The following SERPIND1 variants were observed in gnomAD, a reference collection of about 807,000 sequenced individuals.
The protein encoded by SERPIND1 is heparin cofactor 2.
Under a neutral mutation model 35.0 loss-of-function variants are expected in SERPIND1, and 34 were observed. The observed-to-expected ratio is 0.97, with a 90% CI of 0.74 to 1.29. The LOEUF is 1.29. Among genes scored for constraint, SERPIND1 ranks in the 50% most tolerant of loss-of-function variants. The probability of loss-of-function intolerance (pLI) is 0.00; values close to 1 mark genes in which losing one functional copy is unlikely to be tolerated. For missense variants in SERPIND1, 633 were observed against 637.7 expected, an observed-to-expected ratio of 0.99 and a Z score of 0.08; for synonymous variants, 236 against 241.1, an observed-to-expected ratio of 0.98 and a Z score of 0.19.
At chr22:20,776,387 A>C (rs991697641) in intron 1 of SERPIND1, among the ~76,000 whole-genome samples, 1 of 152,194 alleles carries the variant, frequency 6.6e-6, no homozygotes, top group Non-Finnish European at 1.5e-5. Context: ...AACTAGTGGC[A>C]CTGCAGCCTG....
chr22:20,774,546 A>ACGT (rs902789568), intron 1 of SERPIND1, among the ~76,000 whole-genome samples: 4 of 152,186 alleles, frequency 2.6e-5, no homozygotes, highest in Admixed American at 2.0e-4. Flanking sequence ...GTGGATCACG[A>ACGT]GGTCAGGAGT....
At position 20,787,202 on chromosome 22, in the gene SERPIND1, G is replaced by A. The variant is rs1406172974; in HGVS notation, c.*136G>A. On this transcript the variant is annotated 3_prime_UTR_variant, in exon 5 of 5. Coordinates refer to ENST00000215727, the MANE Select transcript of SERPIND1 (RefSeq NM_000185.4). Reference sequence around the variant, plus strand: ...TCTGAATTCGAGGCCCATATGAGAGGAGCTTAGAAACGACCAAGAAGAGAG... The same window carrying A: ...TCTGAATTCGAGGCCCATATGAGAGAAGCTTAGAAACGACCAAGAAGAGAG... The A allele has an allele frequency of 9.9e-6, 8 of 807,476 alleles. No individual in the cohort carries two copies. Among genetic ancestry groups the A allele is most frequent in the Non-Finnish European group, 1.7e-5 (8 of 482,582 alleles). The allele number at this position is 807,476 out of a possible 1,614,324, so 50.0% of individuals were successfully genotyped here. A position where few individuals can be genotyped will look rare whatever the true frequency, so the allele number is the denominator to read the frequency against.
chr22:20,775,288 G>C (rs1421302109), intron 1 of SERPIND1, among the ~76,000 whole-genome samples: 2 of 152,108 alleles, frequency 1.3e-5, no homozygotes, highest in African/African-American at 2.4e-5. Flanking sequence ...ACAACCTAGT[G>C]ATAGTTTTTA....
intron 1 of SERPIND1, among the ~76,000 whole-genome samples, chr22:20,778,780 G>T (rs1933509231): frequency 6.6e-6 from 1 of 152,114 alleles, no homozygotes; most frequent in South Asian, 2.1e-4. Flanking sequence ...AGGTTTCCCT[G>T]ACTCTCTGGG....
At chr22:20,775,821 G>A (rs183731569) in intron 1 of SERPIND1, among the ~76,000 whole-genome samples, 2 of 152,268 alleles carry the variant, frequency 1.3e-5, no homozygotes, top group East Asian at 3.9e-4. Flanking sequence ...AAAAGGCCAA[G>A]AAGTGATAAG....
At chr22:20,786,560 G>A (rs1934246493) in intron 4 of SERPIND1, among the ~76,000 whole-genome samples, 1 of 152,200 alleles carries the variant, frequency 6.6e-6, no homozygotes, top group South Asian at 2.1e-4. Context: ...CAGTGCAGCA[G>A]ACCCAGTTCC....
chr22:20,780,791 A>AC (rs361972), intron 2 of SERPIND1, among the ~76,000 whole-genome samples: 3 of 151,120 alleles, frequency 2.0e-5, no homozygotes, highest in Non-Finnish European at 4.4e-5. Context: ...AAAAAAAAAA[A>AC]GAAGTAAAAC....
At chr22:20,784,380 T>C (rs1934042562) in intron 3 of SERPIND1, 135 bp downstream of exon 3, 2 of 1,202,388 alleles carry the variant, frequency 1.7e-6, no homozygotes, top group Non-Finnish European at 2.4e-6. Context: ...AGGGCCACTC[T>C]GTTAATTCAG....
chr22:20,784,132 G>T lies in SERPIND1; in HGVS notation c.1050G>T (p.Val350=), dbSNP rs766864591. The change falls in exon 3 of 5, where the codon GTG becomes GTT. Residue 350 remains valine, a synonymous_variant. Transcript: ENST00000215727. The part of the protein sequence containing the change: ...LDCDILQLEY[V]GGISMLIVVP... ...GCGACATCCTCCAGCTGGAATACGT[G>T]GGGGGCATCAGCATGCTAATTGTGG... is the stretch of plus-strand genomic sequence containing the variant. The T allele has an allele frequency of 6.2e-7, 1 of 1,614,172 alleles. No homozygotes were observed. The highest frequency in any genetic ancestry group is 8.5e-7 in the Non-Finnish European group (1 of 1,180,030).
At chr22:20,775,301 C>T (rs1476141308) in intron 1 of SERPIND1, among the ~76,000 whole-genome samples, 3 of 152,062 alleles carry the variant, frequency 2.0e-5, no homozygotes, top group Non-Finnish European at 4.4e-5. Context: ...AGTTTTTAAA[C>T]GTCTTCTACA....
chr22:20,780,533 C>T (rs1190763547), intron 2 of SERPIND1, among the ~76,000 whole-genome samples: 2 of 152,002 alleles, frequency 1.3e-5, no homozygotes, highest in Non-Finnish European at 2.9e-5. Context: ...TTTGGGAGGC[C>T]GAGGCAGGCA....
chr22:20,779,855 G>A lies in SERPIND1; in HGVS notation c.543G>A (p.Leu181=). 6.2e-7 allele frequency: 1 copy of A among 1,614,194 alleles called. No homozygotes were observed. The highest frequency in any genetic ancestry group is 8.5e-7 in the Non-Finnish European group (1 of 1,180,024). The part of the protein sequence containing the change: ...GETHEQVHSI[L]HFKDFVNASS... ...CCCATGAACAAGTGCACTCGATTTT[G>A]CATTTTAAAGACTTTGTTAATGCCA... Residue 181 remains leucine, a synonymous_variant, in exon 2 of 5, where the codon TTG becomes TTA. Coordinates refer to ENST00000215727, the MANE Select transcript of SERPIND1 (RefSeq NM_000185.4).
Position 20,784,206 on chromosome 22 carries a change from C to G in SERPIND1, c.1124C>G (p.Pro375Arg), listed in dbSNP as rs778720255. The G allele has an allele frequency of 6.2e-7, 1 of 1,614,096 alleles. No individual in the cohort carries two copies. Among genetic ancestry groups the G allele is most frequent in the Non-Finnish European group, 8.5e-7 (1 of 1,180,022 alleles). Residue 375 changes from proline to arginine, a missense_variant, in exon 3 of 5, where the codon CCC becomes CGC. Pro to Arg is a moderately radical substitution (Grantham distance 103). Transcript: ENST00000215727. The part of the protein sequence containing the change: ...GMKTLEAQLT[P>R]RVVERWQKSM... ...AAGACCCTCGAAGCGCAACTGACAC[C>G]CCGGGTGGTGGAGAGATGGCAAAAA...
chr22:20,781,058 T>G (rs165862), intron 2 of SERPIND1, among the ~76,000 whole-genome samples: 78,775 of 151,868 alleles, frequency 0.52, 20,681 homozygotes, highest in African/African-American at 0.58. Flanking sequence ...TTCAGGATAC[T>G]TTTGAACTAC....
intron 2 of SERPIND1, among the ~76,000 whole-genome samples, chr22:20,780,775 C>CAAAAAAAA (rs538327544): frequency 2.7e-4 from 18 of 67,692 alleles, no homozygotes; most frequent in South Asian, 5.3e-4. Context: ...GACTCCATCT[C>CAAAAAAAA]AAAAAAAAAA....
chr22:20,774,786 G>C (rs936589187), intron 1 of SERPIND1, among the ~76,000 whole-genome samples: 1 of 148,518 alleles, frequency 6.7e-6, no homozygotes, highest in African/African-American at 2.5e-5. Flanking sequence ...GAAGAAAAAA[G>C]AAAAAATGTT....
rs1378307549 is a variant in SERPIND1 at position 20,787,345 on chromosome 22, C to A, written c.*279C>A. ...CACCTCCCCACTCTTCACAGCAAAC[C>A]TGAGCAGCGCGTCCTAAGCACCTCC... On this transcript the variant is annotated 3_prime_UTR_variant, in exon 5 of 5. Coordinates refer to ENST00000215727, the MANE Select transcript of SERPIND1 (RefSeq NM_000185.4). The A allele has an allele frequency of 2.1e-6, 1 of 467,096 alleles. No homozygotes were observed. The highest frequency in any genetic ancestry group is 4.0e-6 in the Non-Finnish European group (1 of 253,084). The allele number at this position is 467,096 out of a possible 1,614,324, so 28.9% of individuals were successfully genotyped here.
intron 1 of SERPIND1, among the ~76,000 whole-genome samples, chr22:20,775,384 T>G (rs1003811674): frequency 6.6e-6 from 1 of 152,238 alleles, no homozygotes; most frequent in African/African-American, 2.4e-5. Flanking sequence ...CCATAAAAGA[T>G]ATCAGAGATA....
chr22:20,783,919 C>T (rs1328307612), intron 2 of SERPIND1, 53 bp from the exon 3 acceptor site: 5 of 1,610,098 alleles, frequency 3.1e-6, no homozygotes, highest in South Asian at 1.1e-5. Flanking sequence ...AAGGGTGAGA[C>T]GATTTCCCTA....
Sources: gnomAD v4.1 joint callset for allele counts (sites outside exome capture counted in the v4.1 genomes callset) on GRCh38, gnomAD v4.1.1 for gene constraint, MANE v1.5 for transcripts, NCBI Gene and HGNC (gene_info 2026-07-23, HGNC 2026-07-21) for gene names.